RBFOX1: variants seen among roughly 807,000 people sequenced by gnomAD.
RBFOX1 encodes the protein RNA binding fox-1 homolog 1.
In RBFOX1, 8 loss-of-function variants were observed where a neutral mutation model predicts 57.7. That is an observed-to-expected ratio of 0.14 (90% CI 0.08 to 0.25). The LOEUF is 0.25. RBFOX1 is among the 10% of genes least tolerant of loss of function. RBFOX1 has a pLI of 1.00. For synonymous variants in RBFOX1, 326 were observed against 222.4 expected, an observed-to-expected ratio of 1.47 and a Z score of -4.15; for missense variants, 611 against 548.5, an observed-to-expected ratio of 1.11 and a Z score of -1.14.
At chr16:6,002,005 C>G (rs1430161945) in intron 4 of RBFOX1, among the ~76,000 whole-genome samples, 1 of 142,830 alleles carries the variant, frequency 7.0e-6, no homozygotes, top group East Asian at 2.0e-4. Context: ...CTTGCTCTGT[C>G]ACTCAGGCTG....
intron 3 of RBFOX1, among the ~76,000 whole-genome samples, chr16:6,682,369 C>T (rs2058784235): frequency 6.6e-6 from 1 of 151,990 alleles, no homozygotes; most frequent in Admixed American, 6.6e-5. Context: ...TGCCATCAGG[C>T]TTCGAAGCCG....
chr16:6,753,091 A>T (rs1418796192), intron 3 of RBFOX1, among the ~76,000 whole-genome samples: 2 of 152,174 alleles, frequency 1.3e-5, no homozygotes, highest in Admixed American at 1.3e-4. Context: ...AAAAATACAA[A>T]TATTGAACTT....
At chr16:6,342,493 C>G (rs1287218640) in intron 2 of RBFOX1, among the ~76,000 whole-genome samples, 1 of 152,112 alleles carries the variant, frequency 6.6e-6, no homozygotes, top group African/African-American at 2.4e-5. Context: ...TGATAAGGTT[C>G]CTGTCTCTAA....
chr16:6,019,860 G>A lies in RBFOX1; in HGVS notation c.-259G>A. ...ACCTGCCCGCGAAGTTGCGGACAGT[G>A]CGTGAGAAACCAGCACCCCCTTCCG... On this transcript the variant is annotated 5_prime_UTR_variant, in exon 1 of 16. Coordinates refer to ENST00000550418, the MANE Select transcript of RBFOX1 (RefSeq NM_018723.4). The surrounding 1 kb of genome is among the most constrained non-coding windows in gnomAD (Gnocchi z 4.2). 2 of 1,534,008 alleles carry A rather than the reference G, an allele frequency of 1.3e-6. No homozygotes were observed. The highest frequency in any genetic ancestry group is 1.7e-6 in the Non-Finnish European group (2 of 1,146,054).
intron 4 of RBFOX1, among the ~76,000 whole-genome samples, chr16:7,382,669 C>G (rs2097799404): frequency 1.3e-5 from 2 of 152,176 alleles, no homozygotes; most frequent in Non-Finnish European, 2.9e-5. Flanking sequence ...TGTGTCCATC[C>G]TGGATTCATT....
chr16:5,479,706 C>A (rs920660769), intron 2 of RBFOX1, among the ~76,000 whole-genome samples: 1 of 152,180 alleles, frequency 6.6e-6, no homozygotes, highest in African/African-American at 2.4e-5. Context: ...TTGCAGTGAT[C>A]CAAGATCGCG....
chr16:7,104,119 C>T (rs184402274), intron 4 of RBFOX1, among the ~76,000 whole-genome samples: 1 of 152,196 alleles, frequency 6.6e-6, no homozygotes, highest in Non-Finnish European at 1.5e-5. Flanking sequence ...GAAATATGTA[C>T]CTATCTGTAT....
chr16:7,362,293 GTTT>G (rs1449114794), intron 4 of RBFOX1, among the ~76,000 whole-genome samples: 1 of 88,822 alleles, frequency 1.1e-5, no homozygotes, highest in Non-Finnish European at 2.1e-5. Flanking sequence ...GTATGTGTAT[GTTT>G]TTCGTGTGTT....
chr16:7,031,656 G>C lies in RBFOX1; in HGVS notation c.-15-20401G>C, dbSNP rs141869885. 8.6e-4 allele frequency among the ~76,000 whole-genome samples: 131 copies of C among 152,212 alleles called. No homozygotes were observed. The East Asian group carries it at 0.022, about 26-fold the overall frequency. On this transcript the variant is annotated intron_variant, in intron 3 of 15. Transcript: ENST00000550418. ...AATGTCAACGACATCGGGCAGATGT[G>C]ATGAATAATTTTGATGGGATTGGCG...
chr16:5,650,337 G>GTGC (rs1218784061), intron 3 of RBFOX1, among the ~76,000 whole-genome samples: 1 of 152,016 alleles, frequency 6.6e-6, no homozygotes, highest in African/African-American at 2.4e-5. Context: ...GGTGGTGGTG[G>GTGC]TGGTGGTGGT....
At chr16:7,480,000 A>G (rs2063553019) in intron 4 of RBFOX1, among the ~76,000 whole-genome samples, 1 of 152,198 alleles carries the variant, frequency 6.6e-6, no homozygotes, top group Non-Finnish European at 1.5e-5. Flanking sequence ...TATAGGTGCC[A>G]GTTCCAGCCT....
chr16:5,387,312 C>G (rs1446918721), intron 1 of RBFOX1, among the ~76,000 whole-genome samples: 1 of 152,182 alleles, frequency 6.6e-6, no homozygotes, highest in Non-Finnish European at 1.5e-5. Flanking sequence ...CCACCCCCAC[C>G]TGTAGAGATT....
At chr16:7,002,716 CAAAG>C (rs921903775) in intron 3 of RBFOX1, among the ~76,000 whole-genome samples, 1 of 152,064 alleles carries the variant, frequency 6.6e-6, no homozygotes, top group African/African-American at 2.4e-5. Flanking sequence ...AACTCAAAAA[CAAAG>C]AAACAAACAA....
intron 3 of RBFOX1, among the ~76,000 whole-genome samples, chr16:5,606,139 C>T (rs1410872587): frequency 6.6e-6 from 1 of 152,182 alleles, no homozygotes; most frequent in Non-Finnish European, 1.5e-5. Flanking sequence ...CATATTTCAG[C>T]AGCTCTCTGT....
At chr16:6,677,243 AC>A (rs2057889916) in intron 3 of RBFOX1, among the ~76,000 whole-genome samples, 1 of 152,160 alleles carries the variant, frequency 6.6e-6, no homozygotes, top group South Asian at 2.1e-4. Context: ...TGCTCTAGAG[AC>A]CATAGATAAT....
chr16:5,577,684 T>G (rs1259033023), intron 2 of RBFOX1, among the ~76,000 whole-genome samples: 1 of 152,218 alleles, frequency 6.6e-6, no homozygotes, highest in Non-Finnish European at 1.5e-5. Flanking sequence ...GTGACTGTGC[T>G]GTACATTACA....
intron 3 of RBFOX1, among the ~76,000 whole-genome samples, chr16:7,021,582 A>T (rs2153673009): frequency 6.9e-6 from 1 of 145,934 alleles, no homozygotes; most frequent in Admixed American, 6.9e-5. Flanking sequence ...TATAAAATAT[A>T]TAAAAGTAAA....
chr16:5,899,953 G>C (rs1338667039), intron 4 of RBFOX1, among the ~76,000 whole-genome samples: 1 of 152,082 alleles, frequency 6.6e-6, no homozygotes, highest in Non-Finnish European at 1.5e-5. Flanking sequence ...CAGACCTGTC[G>C]TCCCAGCTAC....
At chr16:6,898,722 T>C (rs766629955) in intron 3 of RBFOX1, among the ~76,000 whole-genome samples, 8 of 152,144 alleles carry the variant, frequency 5.3e-5, no homozygotes, top group Admixed American at 1.3e-4. Context: ...TATGTGTGTA[T>C]GTGTATGATA....
Sources: allele counts gnomAD v4.1 joint callset (sites outside exome capture counted in the v4.1 genomes callset), GRCh38; gene constraint gnomAD v4.1.1; non-coding constraint Gnocchi (gnomAD v3.1); transcripts MANE v1.5; gene names NCBI Gene and HGNC (gene_info 2026-07-23, HGNC 2026-07-21).